FOXP2: variants seen among roughly 807,000 people sequenced by gnomAD.
The protein encoded by FOXP2 is forkhead box protein P2.
In FOXP2, 12 loss-of-function variants were observed where a neutral mutation model predicts 115.8. The observed-to-expected ratio is 0.10, with a 90% CI of 0.07 to 0.17. The LOEUF (loss-of-function observed/expected upper bound fraction) is 0.17. FOXP2 is among the 10% of genes least tolerant of loss of function. The pLI is 1.00. For missense variants in FOXP2, 629 were observed against 843.5 expected (o/e 0.75, Z 3.15); for synonymous variants, 328 against 297.7 (o/e 1.10, Z -1.05).
intron 2 of FOXP2, among the ~76,000 whole-genome samples, 174 bp downstream of exon 2, chr7:114,426,853 G>A (rs563953120): frequency 6.6e-6 from 1 of 151,830 alleles, no homozygotes; most frequent in East Asian, 1.9e-4. Flanking sequence ...TTTCATATTA[G>A]TTACGTCATA....
At chr7:114,671,925 A>G (rs987298259) in intron 16 of FOXP2, among the ~76,000 whole-genome samples, 34 of 152,356 alleles carry the variant, frequency 2.2e-4, no homozygotes, top group Middle Eastern at 3.4e-3. Context: ...AACATTTACC[A>G]CTCACAGAAG....
intron 16 of FOXP2, among the ~76,000 whole-genome samples, chr7:114,686,518 A>G (rs866769569): frequency 7.2e-5 from 11 of 152,200 alleles, no homozygotes; most frequent in African/African-American, 2.4e-4. Context: ...TTTAGAGGCC[A>G]CTACGGAAAT....
At chr7:114,675,265 C>A (rs1214483098) in intron 16 of FOXP2, among the ~76,000 whole-genome samples, 1 of 151,952 alleles carries the variant, frequency 6.6e-6, no homozygotes, top group Non-Finnish European at 1.5e-5. Context: ...ATATAAGCTT[C>A]CTAAATGAGC....
chr7:114,208,875 C>T (rs987651553), intron 1 of FOXP2, among the ~76,000 whole-genome samples: 5 of 152,086 alleles, frequency 3.3e-5, no homozygotes, highest in Non-Finnish European at 7.3e-5. Context: ...GAACTGAGTC[C>T]ATTAAACCTC....
At chr7:114,345,202 A>G (rs1241402616) in intron 2 of FOXP2, among the ~76,000 whole-genome samples, 1 of 151,804 alleles carries the variant, frequency 6.6e-6, no homozygotes, top group African/African-American at 2.4e-5. Context: ...TATTTGAGTA[A>G]AAATAAGCAA....
intron 2 of FOXP2, among the ~76,000 whole-genome samples, chr7:114,362,922 G>A (rs1791788020): frequency 6.6e-6 from 1 of 152,008 alleles, no homozygotes; most frequent in Admixed American, 6.6e-5. Flanking sequence ...AAGGGTGGAT[G>A]ACAACTGGAA....
At chr7:114,654,514 C>T (rs1014998542) in intron 10 of FOXP2, among the ~76,000 whole-genome samples, 16 of 152,058 alleles carry the variant, frequency 1.1e-4, no homozygotes, top group African/African-American at 3.6e-4. Flanking sequence ...ATGTATTTCA[C>T]ATATTGATAT....
chr7:114,095,612 T>G (rs1380510169), intron 1 of FOXP2, among the ~76,000 whole-genome samples: 1 of 152,164 alleles, frequency 6.6e-6, no homozygotes, highest in Non-Finnish European at 1.5e-5. Flanking sequence ...TTAAGAAACA[T>G]AAATATCCAC....
At chr7:114,266,234 A>G (rs1047015981) in intron 1 of FOXP2, among the ~76,000 whole-genome samples, 1 of 151,934 alleles carries the variant, frequency 6.6e-6, no homozygotes, top group Admixed American at 6.6e-5. Context: ...ACCTCTTCCT[A>G]TTACCCAGTT....
At chr7:114,342,799 T>C (rs928811457) in intron 2 of FOXP2, among the ~76,000 whole-genome samples, 3 of 151,548 alleles carry the variant, frequency 2.0e-5, no homozygotes, top group Non-Finnish European at 4.4e-5. Context: ...AAAGGGTTTC[T>C]AGAGAAATGA....
At chr7:114,302,935 G>A (rs1047518555) in intron 2 of FOXP2, among the ~76,000 whole-genome samples, 1 of 152,046 alleles carries the variant, frequency 6.6e-6, no homozygotes, top group African/African-American at 2.4e-5. Context: ...GAATTCTGCC[G>A]ACAATCAAGT....
At chr7:114,620,324 A>G (rs1231376162) in intron 3 of FOXP2, among the ~76,000 whole-genome samples, 1 of 152,106 alleles carries the variant, frequency 6.6e-6, no homozygotes, top group African/African-American at 2.4e-5. Context: ...AGTCTTACAC[A>G]TGCAATCTGA....
chr7:114,520,280 T>C (rs957488816), intron 2 of FOXP2, among the ~76,000 whole-genome samples: 2 of 152,142 alleles, frequency 1.3e-5, no homozygotes, highest in African/African-American at 2.4e-5. Flanking sequence ...ATTTTCATAT[T>C]TTTTAATGAA....
At chr7:114,445,885 G>C (rs1014139245) in intron 2 of FOXP2, among the ~76,000 whole-genome samples, 1 of 151,960 alleles carries the variant, frequency 6.6e-6, no homozygotes, top group East Asian at 1.9e-4. Context: ...GTTAAAGAAG[G>C]CTTCTCATTC....
intron 2 of FOXP2, among the ~76,000 whole-genome samples, chr7:114,377,841 C>T (rs1247392719): frequency 1.3e-5 from 2 of 152,294 alleles, no homozygotes; most frequent in Admixed American, 1.3e-4. Context: ...GAGGAAAGCT[C>T]GTGTCTGCCT....
intron 10 of FOXP2, among the ~76,000 whole-genome samples, chr7:114,656,219 T>A (rs1209067705): frequency 6.6e-6 from 1 of 152,154 alleles, no homozygotes; most frequent in African/African-American, 2.4e-5. Context: ...GATAGATATT[T>A]CATTGATTTG....
At chr7:114,404,894 G>A (rs1792995635) in intron 2 of FOXP2, among the ~76,000 whole-genome samples, 1 of 151,756 alleles carries the variant, frequency 6.6e-6, no homozygotes, top group Admixed American at 6.6e-5. Context: ...GAAATTCCCT[G>A]CTGTTCGTGG....
At chr7:114,451,817 A>G (rs1795085702) in intron 2 of FOXP2, among the ~76,000 whole-genome samples, 2 of 152,200 alleles carry the variant, frequency 1.3e-5, no homozygotes, top group South Asian at 4.1e-4. Context: ...TGAGAAAGTG[A>G]CAATTAAGCT....
At chr7:114,466,545 T>A (rs1001884466) in intron 2 of FOXP2, among the ~76,000 whole-genome samples, 1 of 152,178 alleles carries the variant, frequency 6.6e-6, no homozygotes, top group Non-Finnish European at 1.5e-5. Context: ...TCTTTTGCAT[T>A]CCCAGCTAAA....
Sources: gnomAD v4.1 joint callset for allele counts (sites outside exome capture counted in the v4.1 genomes callset) on GRCh38, gnomAD v4.1.1 for gene constraint, MANE v1.5 for transcripts, NCBI Gene and HGNC (gene_info 2026-07-23, HGNC 2026-07-21) for gene names.